The following MSRB3 variants were observed in gnomAD, a reference collection of about 807,000 sequenced individuals.
The protein encoded by MSRB3 is methionine-R-sulfoxide reductase B3.
A neutral mutation model predicts 21.0 loss-of-function variants in MSRB3; 13 were observed. That is an observed-to-expected ratio of 0.62 (90% CI 0.40 to 0.98). MSRB3 has a LOEUF of 0.98. Among genes scored for constraint, MSRB3 ranks in the 50% least tolerant of loss-of-function variants. The probability of loss-of-function intolerance (pLI) is 0.00; values close to 1 mark genes in which losing one functional copy is unlikely to be tolerated. For synonymous variants in MSRB3, 87 were observed against 88.6 expected, an observed-to-expected ratio of 0.98 and a Z score of 0.10; for missense variants, 199 against 230.3, an observed-to-expected ratio of 0.86 and a Z score of 0.88.
intron 5 of MSRB3, among the ~76,000 whole-genome samples, chr12:65,453,459 T>C (rs1459199809): frequency 6.6e-6 from 1 of 152,148 alleles, no homozygotes; most frequent in East Asian, 1.9e-4. Context: ...AAGGATACTC[T>C]AGAAAACTAT....
At chr12:65,290,675 G>A (rs745604228) in intron 1 of MSRB3, among the ~76,000 whole-genome samples, 30 of 152,118 alleles carry the variant, frequency 2.0e-4, no homozygotes, top group Admixed American at 5.9e-4. Context: ...CTGTGGTTTG[G>A]AATTGATTCC....
chr12:65,446,544 C>T (rs1882626472), intron 5 of MSRB3, among the ~76,000 whole-genome samples: 1 of 151,990 alleles, frequency 6.6e-6, no homozygotes, highest in South Asian at 2.1e-4. Context: ...AAAATCTTGC[C>T]TTCTTATTCA....
At chr12:65,352,076 C>G (rs1227207565) in intron 4 of MSRB3, among the ~76,000 whole-genome samples, 3 of 151,942 alleles carry the variant, frequency 2.0e-5, no homozygotes, top group Non-Finnish European at 2.9e-5. Flanking sequence ...AAAATACTGG[C>G]AAAACGAATC....
intron 5 of MSRB3, among the ~76,000 whole-genome samples, 178 bp from the exon 6 acceptor site, chr12:65,453,550 A>T (rs527462478): frequency 6.6e-6 from 1 of 152,204 alleles, no homozygotes; most frequent in African/African-American, 2.4e-5. Context: ...TTAAAAAATA[A>T]CTGTACTCTT....
intron 5 of MSRB3, chr12:65,419,577 G>A: frequency 1.4e-6 from 1 of 733,786 alleles, no homozygotes; most frequent in East Asian, 2.6e-5. Flanking sequence ...GAACAATGTG[G>A]ACATTGTCCA....
intron 3 of MSRB3, among the ~76,000 whole-genome samples, chr12:65,327,266 G>C (rs566819848): frequency 1.3e-5 from 2 of 152,222 alleles, no homozygotes; most frequent in African/African-American, 4.8e-5. Flanking sequence ...AAACCATGAG[G>C]GACTTGGCAC....
intron 4 of MSRB3, among the ~76,000 whole-genome samples, chr12:65,342,433 A>ATTCCC (rs945601924): frequency 6.6e-6 from 1 of 151,968 alleles, no homozygotes; most frequent in Non-Finnish European, 1.5e-5. Context: ...AAGATGAATA[A>ATTCCC]TTTTTTACCT....
At chr12:65,428,450 C>T (rs948528978) in intron 5 of MSRB3, among the ~76,000 whole-genome samples, 1 of 152,074 alleles carries the variant, frequency 6.6e-6, no homozygotes, top group African/African-American at 2.4e-5. Context: ...TCCTACTCTG[C>T]CATTGTGGTT....
intron 1 of MSRB3, among the ~76,000 whole-genome samples, chr12:65,296,818 A>C (rs1872994416): frequency 6.6e-6 from 1 of 152,222 alleles, no homozygotes; most frequent in South Asian, 2.1e-4. Context: ...CTAAACTTCA[A>C]ACTGCAATAA....
chr12:65,334,270 A>G (rs938221348), intron 4 of MSRB3, among the ~76,000 whole-genome samples: 3 of 152,242 alleles, frequency 2.0e-5, no homozygotes, highest in African/African-American at 2.4e-5. Context: ...TATGTCAGGC[A>G]TGGTTCTTAG....
intron 5 of MSRB3, among the ~76,000 whole-genome samples, chr12:65,440,246 G>C (rs1882308045): frequency 6.6e-6 from 1 of 151,650 alleles, no homozygotes; most frequent in African/African-American, 2.4e-5. Flanking sequence ...ATAATTCAGG[G>C]GGAGGAACTC....
intron 5 of MSRB3, among the ~76,000 whole-genome samples, chr12:65,427,413 A>G (rs901886690): frequency 2.6e-5 from 4 of 152,148 alleles, no homozygotes; most frequent in African/African-American, 9.7e-5. Flanking sequence ...AGGATTGTCC[A>G]CAGTGGCAGT....
rs867678531 is a variant in MSRB3, at chr12:65,310,260, G to T, written c.76+1605G>T. ...TCCCCCTGCACTGCCACCATAAAGAGTACTGGAGGAGTGTGAGGCTGGAAT... is the reference window on the plus strand; with the variant it reads ...TCCCCCTGCACTGCCACCATAAAGATTACTGGAGGAGTGTGAGGCTGGAAT... On this transcript the variant is annotated intron_variant, in intron 2 of 6. Coordinates refer to ENST00000308259, the MANE Select transcript of MSRB3 (RefSeq NM_001031679.3). 4.6e-5 allele frequency among the ~76,000 whole-genome samples: 7 copies of T among 152,132 alleles called. No homozygotes were observed. In the South Asian group the frequency reaches 1.4e-3, roughly 32 times the overall value.
intron 5 of MSRB3, among the ~76,000 whole-genome samples, chr12:65,422,992 C>T (rs1881402207): frequency 7.3e-6 from 1 of 136,986 alleles, no homozygotes; most frequent in Non-Finnish European, 1.5e-5. Flanking sequence ...GACAGAGTCT[C>T]ACTCTTGTTG....
At chr12:65,332,322 G>A (rs1355769123) in intron 4 of MSRB3, among the ~76,000 whole-genome samples, 2 of 151,282 alleles carry the variant, frequency 1.3e-5, no homozygotes, top group Non-Finnish European at 3.0e-5. Flanking sequence ...TATGAAAAGT[G>A]TGTGGAGTTT....
chr12:65,346,361 T>G (rs1399432493), intron 4 of MSRB3, among the ~76,000 whole-genome samples: 2 of 152,166 alleles, frequency 1.3e-5, no homozygotes, highest in African/African-American at 4.8e-5. Flanking sequence ...TTTCATGTGT[T>G]TTTTGGCTAC....
At chr12:65,325,715 C>T (rs1238436013) in intron 2 of MSRB3, among the ~76,000 whole-genome samples, 1 of 152,140 alleles carries the variant, frequency 6.6e-6, no homozygotes, top group African/African-American at 2.4e-5. Context: ...GGAAACTAAG[C>T]AAGCTTTCTT....
intron 2 of MSRB3, among the ~76,000 whole-genome samples, chr12:65,324,537 A>G (rs765205563): frequency 2.6e-5 from 4 of 152,190 alleles, no homozygotes; most frequent in African/African-American, 4.8e-5. Context: ...TGTATTATTT[A>G]CTTCAATCAG....
intron 1 of MSRB3, among the ~76,000 whole-genome samples, chr12:65,291,246 T>C (rs1354343503): frequency 6.6e-6 from 1 of 151,956 alleles, no homozygotes; most frequent in Non-Finnish European, 1.5e-5. Flanking sequence ...CCACCATGTC[T>C]GGGTAATCTT....
Sources: gnomAD v4.1 joint callset for allele counts (sites outside exome capture counted in the v4.1 genomes callset) on GRCh38, gnomAD v4.1.1 for gene constraint, MANE v1.5 for transcripts, NCBI Gene and HGNC (gene_info 2026-07-23, HGNC 2026-07-21) for gene names.